The following KIAA0319L variants were observed in gnomAD, a reference collection of about 807,000 sequenced individuals.
KIAA0319L encodes the protein dyslexia-associated protein KIAA0319-like protein.
A neutral mutation model predicts 120.1 loss-of-function variants in KIAA0319L; 55 were observed. That is an observed-to-expected ratio of 0.46 (90% CI 0.37 to 0.57). The LOEUF (loss-of-function observed/expected upper bound fraction) is 0.57. Ranked by LOEUF, KIAA0319L falls within the 20% of genes least tolerant of loss-of-function variation. The pLI is 0.00. For missense variants in KIAA0319L, 1,049 were observed against 1,255.3 expected, an observed-to-expected ratio of 0.84 and a Z score of 2.48; for synonymous variants, 398 against 471.9, an observed-to-expected ratio of 0.84 and a Z score of 2.03.
rs1642980694 is a variant in KIAA0319L, at chr1:35,462,695, G to T, written c.1220C>A (p.Pro407His). The change falls in exon 8 of 21, where the codon CCC becomes CAC. Residue 407 changes from proline (P) to histidine (H), a missense_variant. Coordinates refer to ENST00000325722, the MANE Select transcript of KIAA0319L (RefSeq NM_024874.5). Reference protein sequence around the residue: ...TVKPEPRKNRPPIAIVSPQFQ... With the variant: ...TVKPEPRKNRHPIAIVSPQFQ... ...CTGAGGTGACACAATAGCAATGGGGGGCCGATTCTTACGGGGCTCTGCAAG... is the reference window on the plus strand; with the variant it reads ...CTGAGGTGACACAATAGCAATGGGGTGCCGATTCTTACGGGGCTCTGCAAG... 1 of 1,613,874 alleles carries T rather than the reference G, an allele frequency of 6.2e-7. No individual in the cohort carries two copies.
In KIAA0319L at chr1:35,444,660, T is replaced by C. The variant is rs140886391; in HGVS notation, c.2514-357A>G. 1.8e-4 allele frequency among the ~76,000 whole-genome samples: 28 copies of C among 152,304 alleles called. No homozygotes were observed. In the East Asian group the frequency reaches 5.0e-3, roughly 27 times the overall value. On this transcript the variant is annotated intron_variant, in intron 16 of 20. Coordinates refer to ENST00000325722, the MANE Select transcript of KIAA0319L (RefSeq NM_024874.5). ...CCAGCAAGAAGACCCATACTCTCCA[T>C]CTAACTGGAGGATGAGACAAATGGG...
intron 2 of KIAA0319L, among the ~76,000 whole-genome samples, chr1:35,548,265 G>A (rs950206596): frequency 6.6e-6 from 1 of 151,788 alleles, no homozygotes; most frequent in Non-Finnish European, 1.5e-5. Context: ...CTTTCTCCTG[G>A]ACTATTTCAT....
intron 5 of KIAA0319L, among the ~76,000 whole-genome samples, chr1:35,473,442 C>T (rs560695172): frequency 6.6e-6 from 1 of 152,054 alleles, no homozygotes; most frequent in South Asian, 2.1e-4. Flanking sequence ...CACTGATCTA[C>T]AAAATGATAG....
At chr1:35,494,166 C>T (rs1332378448) in intron 3 of KIAA0319L, among the ~76,000 whole-genome samples, 6 of 152,032 alleles carry the variant, frequency 3.9e-5, no homozygotes, top group Admixed American at 3.9e-4. Flanking sequence ...ACATATATTA[C>T]AGCCGGGCTC....
At chr1:35,490,982 T>C (rs1644571390) in intron 3 of KIAA0319L, among the ~76,000 whole-genome samples, 1 of 152,216 alleles carries the variant, frequency 6.6e-6, no homozygotes, top group African/African-American at 2.4e-5. Context: ...TCCTGAGGCT[T>C]CCCAGCCATG....
chr1:35,449,682 A>G (rs540322710), intron 15 of KIAA0319L, among the ~76,000 whole-genome samples, 185 bp downstream of exon 15: 2 of 152,130 alleles, frequency 1.3e-5, no homozygotes, highest in Non-Finnish European at 2.9e-5. Flanking sequence ...GTATTTCTGC[A>G]TGGGTAGGAG....
At chr1:35,477,729 T>C (rs1643962823) in intron 4 of KIAA0319L, among the ~76,000 whole-genome samples, 1 of 151,824 alleles carries the variant, frequency 6.6e-6, no homozygotes, top group Non-Finnish European at 1.5e-5. Flanking sequence ...AAAATGGTTT[T>C]TATACAAAAG....
chr1:35,525,028 GTTAA>G (rs974302112), intron 2 of KIAA0319L, among the ~76,000 whole-genome samples: 5 of 152,050 alleles, frequency 3.3e-5, no homozygotes, highest in East Asian at 1.9e-4. Context: ...CCCAGCTTCA[GTTAA>G]TTATCATTCT....
chr1:35,442,587 G>A (rs1325623555), intron 18 of KIAA0319L, among the ~76,000 whole-genome samples: 1 of 152,218 alleles, frequency 6.6e-6, no homozygotes, highest in East Asian at 1.9e-4. Context: ...AGAGCTTTAA[G>A]AGGGAAACGA....
At chr1:35,440,161 G>A (rs899033957) in intron 20 of KIAA0319L, 1 of 152,076 alleles carries the variant, frequency 6.6e-6, no homozygotes, top group Non-Finnish European at 1.5e-5. Context: ...TCTCCACCTT[G>A]ACAGTGTTGG....
chr1:35,514,044 G>T (rs1645579873), intron 2 of KIAA0319L, among the ~76,000 whole-genome samples: 1 of 152,128 alleles, frequency 6.6e-6, no homozygotes, highest in Non-Finnish European at 1.5e-5. Context: ...TCCTGTAGTT[G>T]AGAATTCATT....
chr1:35,442,931 C>A lies in KIAA0319L; in HGVS notation c.2754G>T (p.Gln918His). Residue 918 changes from glutamine to histidine, a missense_variant, in exon 18 of 21, where the codon CAG (glutamine) becomes CAT (histidine). Gln to His is a conservative substitution (Grantham distance 24, BLOSUM62 0). Transcript: ENST00000325722. ...PFWMENFIKV[Q>H]LRDGDSNCEW... Reference sequence around the variant, plus strand: ...CACAGTTGCTGTCTCCATCCCTCAGCTGCACCTTGATGAAATTCTCCATCC... The same window carrying A: ...CACAGTTGCTGTCTCCATCCCTCAGATGCACCTTGATGAAATTCTCCATCC... The A allele has an allele frequency of 6.2e-7, 1 of 1,614,240 alleles. No homozygotes were observed. The highest frequency in any genetic ancestry group is 2.2e-5 in the East Asian group (1 of 44,894).
At chr1:35,522,253 T>C (rs555375163) in intron 2 of KIAA0319L, among the ~76,000 whole-genome samples, 3 of 152,064 alleles carry the variant, frequency 2.0e-5, no homozygotes, top group Non-Finnish European at 4.4e-5. Flanking sequence ...TTATTTGTTC[T>C]TTATCCATTT....
At chr1:35,516,968 A>G (rs1172999954) in intron 2 of KIAA0319L, among the ~76,000 whole-genome samples, 2 of 152,226 alleles carry the variant, frequency 1.3e-5, no homozygotes, top group African/African-American at 2.4e-5. Context: ...TGCCACAAAA[A>G]GAATAAAATA....
intron 6 of KIAA0319L, among the ~76,000 whole-genome samples, chr1:35,467,080 A>G (rs1266427903): frequency 6.6e-6 from 1 of 151,784 alleles, no homozygotes; most frequent in Non-Finnish European, 1.5e-5. Flanking sequence ...AAAGTAAACT[A>G]GCTGAAGAGA....
chr1:35,449,571 G>A (rs1025087670), intron 15 of KIAA0319L, among the ~76,000 whole-genome samples: 11 of 152,130 alleles, frequency 7.2e-5, no homozygotes, highest in South Asian at 2.1e-4. Context: ...GCTGGACTAC[G>A]AGCACAAAGG....
In KIAA0319L at chr1:35,484,767, CATATATAT is replaced by C. The variant is rs56318513; in HGVS notation, c.667-5563_667-5556del. Among the ~76,000 whole-genome samples, 314 of 51,508 alleles carry C rather than the reference CATATATAT, an allele frequency of 6.1e-3. 5 individuals are homozygous for C. The highest frequency in any genetic ancestry group is 0.013 in the African/African-American group (185 of 13,998). 33.8% of individuals were successfully genotyped at this position (51,508 alleles called of 152,430 possible). A position where few individuals can be genotyped will look rare whatever the true frequency, so the allele number is the denominator to read the frequency against. On this transcript the variant is annotated intron_variant, in intron 3 of 20. Transcript: ENST00000325722. ...TTTGAACACGATTTAAGTTTTTAAT[CATATATAT>C]ATATATATATATATATATATATATA...
intron 2 of KIAA0319L, among the ~76,000 whole-genome samples, chr1:35,537,437 T>A (rs1377451746): frequency 6.7e-6 from 1 of 149,132 alleles, no homozygotes; most frequent in Non-Finnish European, 1.5e-5. Flanking sequence ...GAGAAGGTCA[T>A]TTAGAGGGCC....
chr1:35,499,300 T>C (rs995807229), intron 3 of KIAA0319L, among the ~76,000 whole-genome samples: 1 of 152,146 alleles, frequency 6.6e-6, no homozygotes, highest in African/African-American at 2.4e-5. Flanking sequence ...TATTAGGAGG[T>C]AGGGCCTTTG....
Sources: gnomAD v4.1 joint callset for allele counts (sites outside exome capture counted in the v4.1 genomes callset) on GRCh38, gnomAD v4.1.1 for gene constraint, MANE v1.5 for transcripts, NCBI Gene and HGNC (gene_info 2026-07-23, HGNC 2026-07-21) for gene names.